The following MACROD2 variants were observed in gnomAD, a reference collection of about 807,000 sequenced individuals.
The protein encoded by MACROD2 is mono-ADP ribosylhydrolase 2, also known as ADP-ribose glycohydrolase MACROD2.
MACROD2 carries 36 observed loss-of-function variants against 70.4 expected under a neutral mutation model. That is an observed-to-expected ratio of 0.51 (90% confidence interval 0.39 to 0.68). The LOEUF is 0.68. MACROD2 is among the 30% of genes least tolerant of loss of function. The pLI is 0.00. For synonymous variants in MACROD2, 172 were observed against 178.8 expected (o/e 0.96, Z 0.30); for missense variants, 496 against 538.4 (o/e 0.92, Z 0.78).
intron 8 of MACROD2, among the ~76,000 whole-genome samples, chr20:15,787,464 C>T (rs2051948859): frequency 6.6e-6 from 1 of 152,084 alleles, no homozygotes; most frequent in Non-Finnish European, 1.5e-5. Context: ...GCTTCTCTCC[C>T]TCCATCCCCC....
chr20:15,496,609 A>C (rs557803850), intron 7 of MACROD2, among the ~76,000 whole-genome samples: 106 of 152,342 alleles, frequency 7.0e-4, no homozygotes, highest in Middle Eastern at 3.4e-3. Flanking sequence ...TGCAGTATTT[A>C]TTCGTTTTTT....
chr20:14,797,169 C>T (rs949191142), intron 5 of MACROD2, among the ~76,000 whole-genome samples: 1 of 152,048 alleles, frequency 6.6e-6, no homozygotes. Flanking sequence ...GCCCAAACTA[C>T]CATCACTATT....
chr20:15,160,044 A>G (rs139054798), intron 5 of MACROD2, among the ~76,000 whole-genome samples: 2 of 151,142 alleles, frequency 1.3e-5, no homozygotes, highest in Non-Finnish European at 2.9e-5. Flanking sequence ...GGTAAGAGTT[A>G]TGTTAGAAAT....
chr20:14,655,023 G>T (rs1568722425), intron 4 of MACROD2, among the ~76,000 whole-genome samples: 1 of 151,936 alleles, frequency 6.6e-6, no homozygotes, highest in Non-Finnish European at 1.5e-5. Flanking sequence ...TCATACACAG[G>T]GTTGTTTTTT....
At chr20:14,684,009 A>T (rs549862510) in intron 4 of MACROD2, among the ~76,000 whole-genome samples, 1 of 152,204 alleles carries the variant, frequency 6.6e-6, no homozygotes, top group Non-Finnish European at 1.5e-5. Flanking sequence ...AGCGACATCA[A>T]ATTTGTGCTC....
At chr20:14,248,519 G>A (rs892832304) in intron 3 of MACROD2, among the ~76,000 whole-genome samples, 3 of 152,236 alleles carry the variant, frequency 2.0e-5, no homozygotes, top group South Asian at 2.1e-4. Context: ...GCAGGCGGAG[G>A]TTGCAGTGAG....
chr20:15,967,585 G>C lies in MACROD2; in HGVS notation c.940G>C (p.Gly314Arg), dbSNP rs150617904. 785 of 1,611,270 alleles carry C rather than the reference G, an allele frequency of 4.9e-4. 5 individuals carry two copies. Among genetic ancestry groups the C allele is most frequent in the South Asian group, 3.1e-3 (281 of 90,690 alleles). ...FAKDENITKG[G>R]EVTDHSVRDQ... ...AAAGGATGAAAATATTACAAAAGGC[G>C]GTGAAGTGACAGATCATTCTGTGCG... Residue 314 changes from glycine (G) to arginine (R), a missense_variant, in exon 13 of 18, where the codon GGT becomes CGT. Gly to Arg is a moderately radical substitution (Grantham distance 125). Transcript: ENST00000684519.
chr20:14,427,359 G>A (rs1019732827), intron 3 of MACROD2, among the ~76,000 whole-genome samples: 3 of 151,738 alleles, frequency 2.0e-5, no homozygotes, highest in Non-Finnish European at 4.4e-5. Context: ...TTTGTCTACA[G>A]CTTCTCTGGA....
intron 8 of MACROD2, among the ~76,000 whole-genome samples, chr20:15,783,447 G>C (rs6135514): frequency 0.2 from 30,840 of 152,008 alleles, 3,194 homozygotes; most frequent in Non-Finnish European, 0.22. Context: ...TCACTCTGGA[G>C]TTTCTACCTA....
rs73597740 is a variant in MACROD2 at position 15,973,309 on chromosome 20, A to C, written c.985+5679A>C. On this transcript the variant is annotated intron_variant, in intron 13 of 17. Transcript: ENST00000684519. ...GAAAGGAGGAAAGAAAAGAAGCATC[A>C]GTGGCAGAGGTTGTAAAACTAGATT... 5.3e-3 allele frequency among the ~76,000 whole-genome samples: 807 copies of C among 152,258 alleles called. 2 individuals are homozygous for C. The highest frequency in any genetic ancestry group is 0.014 in the East Asian group (72 of 5,186).
intron 3 of MACROD2, among the ~76,000 whole-genome samples, chr20:14,120,769 A>G (rs1401322889): frequency 6.6e-6 from 1 of 151,676 alleles, no homozygotes; most frequent in African/African-American, 2.4e-5. Flanking sequence ...AGGGACATGT[A>G]TGAATCTGGA....
chr20:14,679,897 G>A (rs76722628), intron 4 of MACROD2, among the ~76,000 whole-genome samples: 4,087 of 152,210 alleles, frequency 0.027, 142 homozygotes, highest in African/African-American at 0.076. Context: ...CAAAATATAA[G>A]CAACAACAGA....
intron 6 of MACROD2, among the ~76,000 whole-genome samples, chr20:15,281,666 G>A (rs1336321066): frequency 6.6e-6 from 1 of 152,228 alleles, no homozygotes; most frequent in Non-Finnish European, 1.5e-5. Flanking sequence ...TGCCTTTGCA[G>A]GGTACAGCGT....
intron 8 of MACROD2, among the ~76,000 whole-genome samples, chr20:15,565,422 A>G (rs2048297365): frequency 6.6e-6 from 1 of 152,192 alleles, no homozygotes; most frequent in African/African-American, 2.4e-5. Context: ...TCTTATCTAC[A>G]TATTTGTTTG....
At chr20:15,641,196 C>A (rs1600703173) in intron 8 of MACROD2, among the ~76,000 whole-genome samples, 1 of 152,186 alleles carries the variant, frequency 6.6e-6, no homozygotes, top group African/African-American at 2.4e-5. Context: ...GATCACCATG[C>A]CTCCTCTTGC....
intron 8 of MACROD2, among the ~76,000 whole-genome samples, chr20:15,757,686 C>T (rs917231246): frequency 2.0e-5 from 3 of 152,118 alleles, no homozygotes; most frequent in African/African-American, 4.8e-5. Context: ...AGAGCAGATT[C>T]GGTTCCTGGT....
At position 14,227,506 on chromosome 20, in the gene MACROD2, C is replaced by A. The variant is rs183924063; in HGVS notation, c.271+141778C>A. ...GCGCCGCCTTAAGAGCTGTAACACTCGCCGCCAAGGTCTGCAGCTTCACTC... is the reference window on the plus strand; with the variant it reads ...GCGCCGCCTTAAGAGCTGTAACACTAGCCGCCAAGGTCTGCAGCTTCACTC... On this transcript the variant is annotated intron_variant, in intron 3 of 17. Transcript: ENST00000684519. Among the ~76,000 whole-genome samples the A allele has an allele frequency of 3.3e-3, 505 of 152,260 alleles. 3 individuals carry two copies. The highest frequency in any genetic ancestry group is 5.5e-3 in the Non-Finnish European group (376 of 68,006).
At chr20:15,789,742 C>T (rs1042421717) in intron 8 of MACROD2, among the ~76,000 whole-genome samples, 2 of 151,746 alleles carry the variant, frequency 1.3e-5, no homozygotes, top group African/African-American at 4.8e-5. Flanking sequence ...AGGAAGAAAA[C>T]ACAAGTGCAT....
intron 3 of MACROD2, among the ~76,000 whole-genome samples, chr20:14,348,205 G>A (rs1314604327): frequency 6.6e-6 from 1 of 150,948 alleles, no homozygotes; most frequent in Non-Finnish European, 1.5e-5. Flanking sequence ...GGAGGTGGAG[G>A]TTGCAGTGAG....
Sources: gnomAD v4.1 joint callset for allele counts (sites outside exome capture counted in the v4.1 genomes callset) on GRCh38, gnomAD v4.1.1 for gene constraint, MANE v1.5 for transcripts, NCBI Gene and HGNC (gene_info 2026-07-23, HGNC 2026-07-21) for gene names.